Variants in TRPM3 observed in about 807,000 individuals in gnomAD.
The protein encoded by TRPM3 is long transient receptor potential channel 3.
In TRPM3, 77 loss-of-function variants were observed where a neutral mutation model predicts 181.2. That is an observed-to-expected ratio of 0.42 (90% CI 0.35 to 0.51). The LOEUF (loss-of-function observed/expected upper bound fraction) is 0.51, where lower values mean the gene tolerates loss of function less well. Among genes scored for constraint, TRPM3 ranks in the 20% least tolerant of loss-of-function variants. The probability of loss-of-function intolerance (pLI) is 0.01; values close to 1 mark genes in which losing one functional copy is unlikely to be tolerated. For missense variants in TRPM3, 1,759 were observed against 2,196.7 expected, an observed-to-expected ratio of 0.80 and a Z score of 3.98; for synonymous variants, 745 against 796.4, an observed-to-expected ratio of 0.94 and a Z score of 1.09.
intron 1 of TRPM3, among the ~76,000 whole-genome samples, chr9:71,089,772 G>A (rs745936685): frequency 4.6e-5 from 7 of 152,044 alleles, no homozygotes; most frequent in Non-Finnish European, 8.8e-5. Flanking sequence ...GCCACTCAGC[G>A]GATGTCCTGA....
chr9:71,420,512 A>G (rs2093709567), intron 1 of TRPM3, among the ~76,000 whole-genome samples: 1 of 151,634 alleles, frequency 6.6e-6, no homozygotes, highest in African/African-American at 2.4e-5. Context: ...AGCAACAAAG[A>G]AAGAAAAAGA....
At chr9:70,968,317 A>C (rs1408004138) in intron 1 of TRPM3, among the ~76,000 whole-genome samples, 1 of 152,114 alleles carries the variant, frequency 6.6e-6, no homozygotes, top group Non-Finnish European at 1.5e-5. Flanking sequence ...TTGGTTTTTC[A>C]TCCCATTTTG....
chr9:71,341,885 T>C (rs1179523594), intron 1 of TRPM3, among the ~76,000 whole-genome samples: 2 of 151,260 alleles, frequency 1.3e-5, no homozygotes, highest in Non-Finnish European at 2.9e-5. Flanking sequence ...CAAAGAAAAA[T>C]TACAAATTGG....
intron 3 of TRPM3, among the ~76,000 whole-genome samples, chr9:70,851,426 T>C (rs2095226027): frequency 6.6e-6 from 1 of 152,214 alleles, no homozygotes; most frequent in African/African-American, 2.4e-5. Context: ...TTCATACTAA[T>C]TGGTAATAAA....
intron 5 of TRPM3, among the ~76,000 whole-genome samples, chr9:70,832,534 G>C (rs1436284724): frequency 6.6e-6 from 1 of 152,092 alleles, no homozygotes; most frequent in Non-Finnish European, 1.5e-5. Flanking sequence ...AAACAAAGAG[G>C]CCCTCTGAAG....
chr9:71,116,702 T>TA (rs1045417284), intron 1 of TRPM3, among the ~76,000 whole-genome samples: 2 of 151,720 alleles, frequency 1.3e-5, no homozygotes, highest in African/African-American at 2.4e-5. Context: ...AGAGAAAGGA[T>TA]AAAAAATAAG....
At chr9:70,765,868 G>A (rs966572959) in intron 7 of TRPM3, among the ~76,000 whole-genome samples, 5 of 152,226 alleles carry the variant, frequency 3.3e-5, no homozygotes, top group Non-Finnish European at 7.4e-5. Context: ...AATTAGAGAT[G>A]AGCCTATTTT....
At chr9:70,956,833 C>T (rs952717666) in intron 1 of TRPM3, among the ~76,000 whole-genome samples, 2 of 151,766 alleles carry the variant, frequency 1.3e-5, no homozygotes, top group African/African-American at 2.4e-5. Context: ...CTGTAGTGAG[C>T]TGTGATCACA....
chr9:70,937,544 C>A (rs2096840464), intron 1 of TRPM3, among the ~76,000 whole-genome samples: 1 of 152,008 alleles, frequency 6.6e-6, no homozygotes, highest in African/African-American at 2.4e-5. Flanking sequence ...TTATTATGGG[C>A]AAAATTTTAA....
intron 1 of TRPM3, among the ~76,000 whole-genome samples, chr9:71,310,122 AAC>A (rs2087773615): frequency 6.6e-6 from 1 of 152,128 alleles, no homozygotes; most frequent in Non-Finnish European, 1.5e-5. Flanking sequence ...AAAGGAAAGA[AAC>A]AAGTCAAAAG....
At position 71,253,870 on chromosome 9, in the gene TRPM3, C is replaced by T. The variant is rs542501993; in HGVS notation, c.183+192783G>A. 1.3e-3 allele frequency among the ~76,000 whole-genome samples: 204 copies of T among 152,004 alleles called. 1 individual carries two copies. The Middle Eastern group carries it at 0.02, about 15-fold the overall frequency. The stretch of plus-strand genomic sequence containing the variant: ...TGTACACAATGGAATACTATTCAAC[C>T]GCAAAAAAGAAGGAAATTCTGTCAT... On this transcript the variant is annotated intron_variant, in intron 1 of 24. Coordinates refer to the TRPM3 transcript ENST00000357533.
At chr9:70,985,192 A>C (rs1019219523) in intron 1 of TRPM3, among the ~76,000 whole-genome samples, 3 of 152,228 alleles carry the variant, frequency 2.0e-5, no homozygotes. Context: ...CTTAAGCTAA[A>C]AATGCCAGAG....
intron 22 of TRPM3, among the ~76,000 whole-genome samples, chr9:70,563,416 C>T (rs941879665): frequency 6.6e-6 from 1 of 152,196 alleles, no homozygotes; most frequent in Non-Finnish European, 1.5e-5. Flanking sequence ...TTCCCTTGCC[C>T]TGCTCACAGC....
chr9:70,604,206 G>C (rs766035522), intron 19 of TRPM3, among the ~76,000 whole-genome samples: 96 of 152,198 alleles, frequency 6.3e-4, no homozygotes, highest in Non-Finnish European at 1.3e-3. Context: ...TGATGTGACT[G>C]GCTGAATTGC....
intron 1 of TRPM3, among the ~76,000 whole-genome samples, chr9:71,187,639 A>C (rs1000686116): frequency 8.0e-4 from 122 of 152,086 alleles, no homozygotes; most frequent in African/African-American, 2.8e-3. Flanking sequence ...TTTTTATTTA[A>C]AAACTATACA....
chr9:70,866,979 G>A (rs1479531007), intron 1 of TRPM3, among the ~76,000 whole-genome samples: 6 of 151,952 alleles, frequency 3.9e-5, no homozygotes, highest in African/African-American at 1.4e-4. Flanking sequence ...TAAAACATTA[G>A]ATGTTATTGA....
At position 71,208,932 on chromosome 9, in the gene TRPM3, C is replaced by T. The variant is rs189169011; in HGVS notation, c.183+237721G>A. On this transcript the variant is annotated intron_variant, in intron 1 of 24. Transcript: ENST00000357533. ...GGAACCTAAAACATCTCCAGCTGCACGAACCTCAAGACTTTAATAGCAGTC... is the reference window on the plus strand; with the variant it reads ...GGAACCTAAAACATCTCCAGCTGCATGAACCTCAAGACTTTAATAGCAGTC... Among the ~76,000 whole-genome samples, 698 of 152,246 alleles carry T rather than the reference C, an allele frequency of 4.6e-3. 8 individuals carry two copies. Among genetic ancestry groups the T allele is most frequent in the Non-Finnish European group, 5.1e-3 (350 of 68,018 alleles).
At chr9:71,351,071 TC>T (rs1156558969) in intron 1 of TRPM3, among the ~76,000 whole-genome samples, 1 of 152,196 alleles carries the variant, frequency 6.6e-6, no homozygotes, top group Non-Finnish European at 1.5e-5. Flanking sequence ...GATTGGGTGA[TC>T]TTTTCTTAAA....
intron 1 of TRPM3, among the ~76,000 whole-genome samples, chr9:70,924,293 A>G (rs2096696819): frequency 1.3e-5 from 2 of 152,046 alleles, no homozygotes; most frequent in South Asian, 4.2e-4. Context: ...TTCCTCCCAA[A>G]ATTATAGTCA....
Sources: gnomAD v4.1 joint callset for allele counts (sites outside exome capture counted in the v4.1 genomes callset) on GRCh38, gnomAD v4.1.1 for gene constraint, MANE v1.5 for transcripts, NCBI Gene and HGNC (gene_info 2026-07-23, HGNC 2026-07-21) for gene names.